Variants in DCBLD2 observed in about 807,000 individuals in gnomAD.
The protein encoded by DCBLD2 is discoidin, CUB and LCCL domain-containing protein 2.
A neutral mutation model predicts 86.8 loss-of-function variants in DCBLD2; 54 were observed. The observed-to-expected ratio is 0.62, with a 90% CI of 0.50 to 0.78. The LOEUF (loss-of-function observed/expected upper bound fraction) is 0.78, where lower values mean the gene tolerates loss of function less well. Ranked by LOEUF, DCBLD2 falls within the 30% of genes least tolerant of loss-of-function variation. The probability of loss-of-function intolerance (pLI) is 0.00; values close to 1 mark genes in which losing one functional copy is unlikely to be tolerated. For missense variants in DCBLD2, 908 were observed against 954.2 expected (o/e 0.95, Z 0.64); for synonymous variants, 354 against 341.3 (o/e 1.04, Z -0.41).
At chr3:98,874,659 C>A (rs1261745498) in intron 2 of DCBLD2, among the ~76,000 whole-genome samples, 1 of 152,186 alleles carries the variant, frequency 6.6e-6, no homozygotes, top group Admixed American at 6.5e-5. Flanking sequence ...TGGAGTTAGG[C>A]TCTTTAGAGA....
Position 98,811,480 on chromosome 3 carries a change from T to C in DCBLD2, c.1438A>G (p.Lys480Glu), listed in dbSNP as rs747391519. The C allele has an allele frequency of 3.4e-5, 55 of 1,613,606 alleles. No individual in the cohort carries two copies. Among genetic ancestry groups the C allele is most frequent in the Non-Finnish European group, 4.7e-5 (55 of 1,179,660 alleles). Reference protein sequence around the residue: ...NDLKNTTAPPKIAKGRAPKFT... With the variant: ...NDLKNTTAPPEIAKGRAPKFT... ...AAAACAGGCATACCTTTGGCTATTT[T>C]TGGAGGGGCTGTAGTGTTTTTGAGG... The change falls in exon 11 of 16, where the codon AAA (lysine) becomes GAA (glutamate). Residue 480 changes from lysine to glutamate, a missense_variant. By Grantham distance (56) the Lys-to-Glu change is moderately conservative. This residue lies in a region of DCBLD2 where 606 missense variants were observed against 678.5 expected (regional missense o/e 0.89). Transcript: ENST00000326840.
chr3:98,798,386 G>T lies in DCBLD2; in HGVS notation c.*986C>A, dbSNP rs1465547201. 1 of 152,092 alleles carries T rather than the reference G, an allele frequency of 6.6e-6. No homozygotes were observed. Among genetic ancestry groups the T allele is most frequent in the Non-Finnish European group, 1.5e-5 (1 of 68,010 alleles). The allele number at this position is 152,092 out of a possible 1,614,324, so 9.4% of individuals were successfully genotyped here. On this transcript the variant is annotated 3_prime_UTR_variant, in exon 16 of 16. Transcript: ENST00000326840. ...ACAAATTCTGGTTACTTTTTAAAGA[G>T]GTAATTTATATTACTTCTGAGTGAA...
intron 2 of DCBLD2, among the ~76,000 whole-genome samples, chr3:98,876,464 A>C (rs1311842802): frequency 1.3e-5 from 2 of 150,636 alleles, no homozygotes; most frequent in Non-Finnish European, 3.0e-5. Flanking sequence ...TATGGGAAAA[A>C]ACAGTTCAAT....
chr3:98,818,200 A>T (rs114001447), intron 8 of DCBLD2, among the ~76,000 whole-genome samples: 352 of 152,356 alleles, frequency 2.3e-3, no homozygotes, highest in African/African-American at 8.2e-3. Context: ...GAATGAACAG[A>T]TTAAAGATGA....
intron 3 of DCBLD2, among the ~76,000 whole-genome samples, chr3:98,841,590 G>T (rs907553111): frequency 6.6e-6 from 1 of 152,092 alleles, no homozygotes; most frequent in Non-Finnish European, 1.5e-5. Context: ...AGATTGTAGG[G>T]TTGCAAAATA....
chr3:98,894,397 C>A (rs1943715440), intron 1 of DCBLD2, among the ~76,000 whole-genome samples: 1 of 152,078 alleles, frequency 6.6e-6, no homozygotes, highest in Admixed American at 6.5e-5. Flanking sequence ...ATTGGAGATG[C>A]CTATTGAAGT....
intron 1 of DCBLD2, among the ~76,000 whole-genome samples, chr3:98,899,321 C>T (rs1391017387): frequency 1.4e-5 from 2 of 146,096 alleles, no homozygotes; most frequent in Admixed American, 6.9e-5. Flanking sequence ...TGCAGTGGCG[C>T]GATCGCTGCA....
chr3:98,837,900 G>A (rs1215053331), intron 3 of DCBLD2, among the ~76,000 whole-genome samples: 50 of 120,660 alleles, frequency 4.1e-4, no homozygotes, highest in South Asian at 5.5e-4. Context: ...CGGATGGGGC[G>A]GCTGGCCGGG....
chr3:98,843,951 A>T (rs951167443), intron 3 of DCBLD2, among the ~76,000 whole-genome samples: 1 of 152,078 alleles, frequency 6.6e-6, no homozygotes, highest in Non-Finnish European at 1.5e-5. Context: ...AATCTAAAGT[A>T]GTAAGATTCA....
chr3:98,900,820 T>C, intron 1 of DCBLD2: 1 of 444,564 alleles, frequency 2.2e-6, no homozygotes, highest in Non-Finnish European at 4.1e-6. Context: ...CCAAAGGTTC[T>C]TTTTCCTCCC....
At chr3:98,859,238 T>TG (rs1942994772) in intron 2 of DCBLD2, among the ~76,000 whole-genome samples, 1 of 152,166 alleles carries the variant, frequency 6.6e-6, no homozygotes, top group South Asian at 2.1e-4. Context: ...AAGCTCGAAC[T>TG]GGGTGGAGCC....
intron 1 of DCBLD2, 137 bp from the exon 2 acceptor site, chr3:98,881,904 T>A (rs1166514436): frequency 4.7e-6 from 4 of 848,682 alleles, no homozygotes; most frequent in Non-Finnish European, 7.2e-6. Context: ...TTATTTTTTT[T>A]AATGGACAAA....
intron 1 of DCBLD2, among the ~76,000 whole-genome samples, chr3:98,899,732 CTT>C (rs1943816008): frequency 6.6e-6 from 1 of 152,124 alleles, no homozygotes; most frequent in African/African-American, 2.4e-5. Context: ...ACCTTATATT[CTT>C]TGTGTCTCAA....
chr3:98,846,782 A>C (rs932562504), intron 3 of DCBLD2, among the ~76,000 whole-genome samples: 2 of 152,210 alleles, frequency 1.3e-5, no homozygotes, highest in African/African-American at 4.8e-5. Flanking sequence ...CTTTTATCTG[A>C]GGTCATAGCC....
intron 1 of DCBLD2, 118 bp from the exon 2 acceptor site, chr3:98,881,885 C>G: frequency 1.0e-6 from 1 of 1,001,530 alleles, no homozygotes; most frequent in South Asian, 1.7e-5. Context: ...ACCACCCATA[C>G]TTTCTATTTT....
intron 3 of DCBLD2, among the ~76,000 whole-genome samples, chr3:98,841,304 A>C (rs1422701018): frequency 6.6e-6 from 1 of 152,246 alleles, no homozygotes. Context: ...AGATTTCCTA[A>C]GACAGTTGCA....
intron 2 of DCBLD2, among the ~76,000 whole-genome samples, chr3:98,876,501 T>C (rs1943374432): frequency 7.1e-6 from 1 of 140,990 alleles, no homozygotes; most frequent in Non-Finnish European, 1.5e-5. Flanking sequence ...GAAATGCAAA[T>C]TACAACTATA....
chr3:98,834,750 G>A (rs1323370613), intron 3 of DCBLD2, among the ~76,000 whole-genome samples: 2 of 152,100 alleles, frequency 1.3e-5, no homozygotes, highest in South Asian at 2.1e-4. Context: ...ATAGTGCTGC[G>A]ATAAAGATGG....
rs187768665 is a variant in DCBLD2, at chr3:98,875,361, G to A, written c.433+6179C>T. Among the ~76,000 whole-genome samples, 11 of 152,142 alleles carry A rather than the reference G, an allele frequency of 7.2e-5. No homozygotes were observed. The East Asian group carries it at 1.9e-3, about 27-fold the overall frequency. Reference sequence around the variant, plus strand: ...AAGGATTAAGTTTAACAAAAAATGTGTAAACCCTACATGAGAAAGAGTTTA... The same window carrying A: ...AAGGATTAAGTTTAACAAAAAATGTATAAACCCTACATGAGAAAGAGTTTA... On this transcript the variant is annotated intron_variant, in intron 2 of 15. Transcript: ENST00000326840.
Sources: gnomAD v4.1 joint callset for allele counts (sites outside exome capture counted in the v4.1 genomes callset) on GRCh38, gnomAD v4.1.1 for gene constraint, gnomAD v4.1.1 regional missense constraint, MANE v1.5 for transcripts, NCBI Gene and HGNC (gene_info 2026-07-23, HGNC 2026-07-21) for gene names.